MEGF10: variants seen among roughly 807,000 people sequenced by gnomAD.
The protein encoded by MEGF10 is multiple EGF like domains 10, also known as multiple epidermal growth factor-like domains protein 10.
Under a neutral mutation model 147.5 loss-of-function variants are expected in MEGF10, and 86 were observed. The observed-to-expected ratio is 0.58, with a 90% CI of 0.49 to 0.70. The LOEUF (loss-of-function observed/expected upper bound fraction) is 0.70. Among genes scored for constraint, MEGF10 ranks in the 30% least tolerant of loss-of-function variants. The pLI is 0.00. For missense variants in MEGF10, 1,329 were observed against 1,487.3 expected, an observed-to-expected ratio of 0.89 and a Z score of 1.75; for synonymous variants, 478 against 525.5, an observed-to-expected ratio of 0.91 and a Z score of 1.24.
chr5:127,338,083 C>T (rs1226086434), intron 2 of MEGF10, among the ~76,000 whole-genome samples: 1 of 152,096 alleles, frequency 6.6e-6, no homozygotes, highest in African/African-American at 2.4e-5. Flanking sequence ...CACCACATAG[C>T]TTTTCAAATG....
chr5:127,324,339 A>G, intron 1 of MEGF10, among the ~76,000 whole-genome samples: 1 of 152,196 alleles, frequency 6.6e-6, no homozygotes, highest in Admixed American at 6.5e-5. Flanking sequence ...TTGGAACAAG[A>G]AATAGTGTTT....
rs904131017 is a variant in MEGF10 at position 127,303,549 on chromosome 5, A to G, written c.-19+12493A>G. Among the ~76,000 whole-genome samples the G allele has an allele frequency of 5.3e-5, 8 of 152,230 alleles. No homozygotes were observed. The South Asian group carries it at 6.2e-4, about 12-fold the overall frequency. ...AATTTCACTAATTGCAACACAACCC[A>G]TCATTATTTATTCAGTAAATATTGA... On this transcript the variant is annotated intron_variant, in intron 1 of 24. Coordinates refer to ENST00000503335, the MANE Select transcript of MEGF10 (RefSeq NM_001256545.2).
chr5:127,289,399 A>G (rs1372236695), upstream of MEGF10, among the ~76,000 whole-genome samples: 1 of 152,192 alleles, frequency 6.6e-6, no homozygotes, highest in African/African-American at 2.4e-5. Context: ...CCCAGATCAA[A>G]GTTCCAACTC....
chr5:127,434,889 C>T, intron 15 of MEGF10, 68 bp downstream of exon 15: 3 of 1,532,422 alleles, frequency 2.0e-6, no homozygotes, highest in Non-Finnish European at 2.6e-6. Context: ...GTCCTCAGGC[C>T]TCCCCTTGGC....
chr5:127,272,963 A>G, the MEGF10 span, among the ~76,000 whole-genome samples: 2 of 152,260 alleles, frequency 1.3e-5, no homozygotes, highest in Non-Finnish European at 2.9e-5. Flanking sequence ...TTCCAATGCT[A>G]TGGCCAGAAC....
intron 9 of MEGF10, among the ~76,000 whole-genome samples, chr5:127,412,988 C>A (rs1243178194): frequency 6.6e-6 from 1 of 152,118 alleles, no homozygotes; most frequent in Non-Finnish European, 1.5e-5. Flanking sequence ...ACAGTACAGA[C>A]CCCCAACATA....
chr5:127,316,430 C>T (rs1760551417), intron 1 of MEGF10, among the ~76,000 whole-genome samples: 1 of 152,128 alleles, frequency 6.6e-6, no homozygotes, highest in Admixed American at 6.5e-5. Context: ...AGTGCCCATA[C>T]GTTCTTTTCA....
chr5:127,423,728 G>A (rs76755005), intron 13 of MEGF10, among the ~76,000 whole-genome samples: 4,040 of 151,900 alleles, frequency 0.027, 51 homozygotes, highest in East Asian at 0.045. Flanking sequence ...TTTTTTAACT[G>A]GATTTTCTTT....
the MEGF10 span, among the ~76,000 whole-genome samples, chr5:127,233,897 T>C: frequency 1.6e-4 from 24 of 152,198 alleles, no homozygotes; most frequent in African/African-American, 5.8e-4. Flanking sequence ...AACTTTTCAT[T>C]TATTCCTGGA....
At chr5:127,438,936 G>A (rs1765653946) in intron 17 of MEGF10, among the ~76,000 whole-genome samples, 1 of 152,186 alleles carries the variant, frequency 6.6e-6, no homozygotes, top group African/African-American at 2.4e-5. Flanking sequence ...CTCACTGCCT[G>A]ATTTAATGTG....
In MEGF10 at chr5:127,445,448, T is replaced by C; in HGVS notation, c.2492-9T>C. ...GTCATCCTTTCTCAAGTCTCTCTTC[T>C]TTTTCTAGCTGGTGTTATCATAGTT... On this transcript the variant is annotated splice_polypyrimidine_tract_variant and intron_variant, in intron 19 of 24. Transcript: ENST00000503335. 6.2e-7 allele frequency: 1 copy of C among 1,605,996 alleles called. No individual in the cohort carries two copies. The highest frequency in any genetic ancestry group is 1.7e-5 in the Admixed American group (1 of 59,974).
chr5:127,372,659 CT>C (rs1381119238), intron 5 of MEGF10, among the ~76,000 whole-genome samples: 2 of 152,156 alleles, frequency 1.3e-5, no homozygotes, highest in African/African-American at 4.8e-5. Context: ...GCCAGGTATC[CT>C]GTAGAATGTT....
At chr5:127,343,644 G>A (rs1452487053) in intron 4 of MEGF10, among the ~76,000 whole-genome samples, 1 of 152,088 alleles carries the variant, frequency 6.6e-6, no homozygotes, top group Non-Finnish European at 1.5e-5. Context: ...TCAGGGATAT[G>A]TTTGGTGAAG....
intron 5 of MEGF10, among the ~76,000 whole-genome samples, chr5:127,376,581 T>C (rs1763037189): frequency 6.6e-6 from 1 of 152,112 alleles, no homozygotes; most frequent in South Asian, 2.1e-4. Flanking sequence ...TGACCTTCCT[T>C]CTCTTGATAA....
intron 1 of MEGF10, among the ~76,000 whole-genome samples, chr5:127,296,025 T>A (rs957088967): frequency 9.2e-5 from 14 of 152,252 alleles, no homozygotes; most frequent in Admixed American, 4.6e-4. Flanking sequence ...TGTCCTGAAA[T>A]TTTTAATTTA....
intron 20 of MEGF10, among the ~76,000 whole-genome samples, chr5:127,447,342 AT>A (rs940387570): frequency 1.3e-5 from 2 of 151,614 alleles, no homozygotes; most frequent in African/African-American, 4.9e-5. Context: ...TGCCCGGCTA[AT>A]TTTTTTTGTA....
At chr5:127,317,568 C>T (rs952840078) in intron 1 of MEGF10, among the ~76,000 whole-genome samples, 1 of 152,070 alleles carries the variant, frequency 6.6e-6, no homozygotes, top group African/African-American at 2.4e-5. Context: ...TACTATGCAG[C>T]CATAAAAAAG....
the MEGF10 span, among the ~76,000 whole-genome samples, chr5:127,237,178 G>C: frequency 1.3e-5 from 2 of 152,190 alleles, no homozygotes; most frequent in Non-Finnish European, 2.9e-5. Context: ...TTTTGGGACT[G>C]TAAAATTCAC....
At position 127,457,504 on chromosome 5, in the gene MEGF10, C is replaced by T. The variant is rs765310112; in HGVS notation, c.*186C>T. On this transcript the variant is annotated 3_prime_UTR_variant, in exon 25 of 25. Coordinates refer to ENST00000503335, the MANE Select transcript of MEGF10 (RefSeq NM_001256545.2). Reference sequence around the variant, plus strand: ...TAGGTGCTTTTTGTTCAGGTGGATTCGAAGGAGTTAGAGATGTGATTTCCC... The same window carrying T: ...TAGGTGCTTTTTGTTCAGGTGGATTTGAAGGAGTTAGAGATGTGATTTCCC... The T allele has an allele frequency of 3.3e-6, 2 of 606,438 alleles. No individual in the cohort carries two copies. The highest frequency in any genetic ancestry group is 2.2e-5 in the South Asian group (1 of 45,348). The allele number at this position is 606,438 out of a possible 1,614,324, so 37.6% of individuals were successfully genotyped here. A position where few individuals can be genotyped will look rare whatever the true frequency, so the allele number is the denominator to read the frequency against.
Sources: allele counts gnomAD v4.1 joint callset (sites outside exome capture counted in the v4.1 genomes callset), GRCh38; gene constraint gnomAD v4.1.1; transcripts MANE v1.5; gene names NCBI Gene and HGNC (gene_info 2026-07-23, HGNC 2026-07-21).